XNDC1N: variants seen among roughly 807,000 people sequenced by gnomAD.
XNDC1N encodes the protein protein XNDC1N.
At chr11:71,893,910 G>A in the XNDC1N span, 909 of 1,020,280 alleles carry the variant, frequency 8.9e-4, 10 homozygotes, top group South Asian at 8.4e-3. Flanking sequence ...TCGTTTTGGT[G>A]TCCTTTTTCC....
chr11:71,923,566 T>TG, the XNDC1N span: 1 of 567,988 alleles, frequency 1.8e-6, no homozygotes, highest in Admixed American at 3.1e-5. Flanking sequence ...TTTTGTTTTT[T>TG]TTTTTTTGAG....
the XNDC1N span, among the ~76,000 whole-genome samples, chr11:71,920,776 T>C: frequency 1.3e-5 from 2 of 152,182 alleles, no homozygotes; most frequent in Admixed American, 1.3e-4. Context: ...TAAAGTCAGA[T>C]ATTTTTTGGT....
At chr11:71,912,649 C>T in the XNDC1N span, among the ~76,000 whole-genome samples, 12 of 152,070 alleles carry the variant, frequency 7.9e-5, no homozygotes, top group Admixed American at 3.3e-4. Context: ...TCTCCCCTCA[C>T]GATTATTAAG....
At chr11:71,866,142 AC>A in the XNDC1N span, among the ~76,000 whole-genome samples, 6 of 37,036 alleles carry the variant, frequency 1.6e-4, no homozygotes, top group Non-Finnish European at 2.2e-4. Context: ...TCTAGAGATA[AC>A]CCCTTTTTTT....
chr11:71,884,978 C>G, the XNDC1N span, among the ~76,000 whole-genome samples: 1 of 152,064 alleles, frequency 6.6e-6, no homozygotes, highest in Non-Finnish European at 1.5e-5. Flanking sequence ...GAGTAAGAGC[C>G]AGCCCCTCTT....
the XNDC1N span, among the ~76,000 whole-genome samples, chr11:71,889,877 G>A: frequency 3.9e-5 from 6 of 152,128 alleles, no homozygotes; most frequent in South Asian, 4.1e-4. Context: ...TATCAAACAC[G>A]AACAGAGAAA....
the XNDC1N span, among the ~76,000 whole-genome samples, chr11:71,900,618 G>T: frequency 6.6e-6 from 1 of 152,188 alleles, no homozygotes; most frequent in Admixed American, 6.6e-5. Context: ...CAGGGAATCA[G>T]TCCCTCTAAA....
At chr11:71,898,565 C>G in the XNDC1N span, among the ~76,000 whole-genome samples, 64 of 152,178 alleles carry the variant, frequency 4.2e-4, 2 homozygotes, top group African/African-American at 1.5e-3. Flanking sequence ...CGACATCACG[C>G]CACTGCACTC....
At chr11:71,872,148 GA>G in the XNDC1N span, among the ~76,000 whole-genome samples, 1 of 150,672 alleles carries the variant, frequency 6.6e-6, no homozygotes, top group South Asian at 2.1e-4. Flanking sequence ...TATGCTGCAA[GA>G]AAAAAGCCAG....
chr11:71,910,841 C>T, the XNDC1N span, among the ~76,000 whole-genome samples: 2 of 152,148 alleles, frequency 1.3e-5, no homozygotes, highest in Non-Finnish European at 2.9e-5. Flanking sequence ...TTAGCCAAGC[C>T]TTTCTATGAG....
At chr11:71,928,566 G>GC in the XNDC1N span, 1 of 702,540 alleles carries the variant, frequency 1.4e-6, no homozygotes, top group Non-Finnish European at 2.6e-6. Context: ...GATGGCAGGT[G>GC]CTGCAGCCAG....
chr11:71,877,754 G>A, the XNDC1N span, among the ~76,000 whole-genome samples: 6 of 152,176 alleles, frequency 3.9e-5, no homozygotes, highest in Non-Finnish European at 1.5e-5. Flanking sequence ...GAAGTAATTT[G>A]TGCCTCTCTG....
At chr11:71,908,572 G>A in the XNDC1N span, among the ~76,000 whole-genome samples, 4 of 152,124 alleles carry the variant, frequency 2.6e-5, no homozygotes, top group East Asian at 7.7e-4. Context: ...TGGGTTAGAT[G>A]AGGATGGTCA....
At chr11:71,891,831 G>C in the XNDC1N span, among the ~76,000 whole-genome samples, 1 of 151,890 alleles carries the variant, frequency 6.6e-6, no homozygotes, top group Non-Finnish European at 1.5e-5. Context: ...CACGATGACG[G>C]GAGTCATGGT....
the XNDC1N span, among the ~76,000 whole-genome samples, chr11:71,905,587 C>A: frequency 3.3e-5 from 5 of 152,020 alleles, no homozygotes; most frequent in Non-Finnish European, 7.4e-5. Flanking sequence ...TGTACACTCA[C>A]TCTGATATTG....
chr11:71,868,593 G>A, the XNDC1N span, among the ~76,000 whole-genome samples: 1 of 152,198 alleles, frequency 6.6e-6, no homozygotes, highest in Non-Finnish European at 1.5e-5. Context: ...CTTTAAGAAT[G>A]CTGAATGTAG....
chr11:71,890,997 A>T, the XNDC1N span, among the ~76,000 whole-genome samples: 1 of 151,844 alleles, frequency 6.6e-6, no homozygotes, highest in Non-Finnish European at 1.5e-5. Flanking sequence ...TGCCTCTGTG[A>T]TGTTGGGAGT....
At chr11:71,911,274 T>C in the XNDC1N span, among the ~76,000 whole-genome samples, 2 of 152,246 alleles carry the variant, frequency 1.3e-5, no homozygotes, top group Non-Finnish European at 2.9e-5. Context: ...GACTTTGCTC[T>C]GTGAAAATCC....
At chr11:71,913,583 T>C in the XNDC1N span, among the ~76,000 whole-genome samples, 175 of 147,042 alleles carry the variant, frequency 1.2e-3, no homozygotes, top group African/African-American at 2.1e-3. Flanking sequence ...TGCTTGAACC[T>C]GGGAGGCAGA....
Sources: gnomAD v4.1 joint callset for allele counts (sites outside exome capture counted in the v4.1 genomes callset) on GRCh38, gnomAD v4.1.1 for gene constraint, MANE v1.5 for transcripts, NCBI Gene and HGNC (gene_info 2026-07-23, HGNC 2026-07-21) for gene names.